The following NDST4 variants were observed in gnomAD, a reference collection of about 807,000 sequenced individuals.
The protein encoded by NDST4 is N-deacetylase and N-sulfotransferase 4, also known as N-heparan sulfate sulfotransferase 4.
NDST4 carries 63 observed loss-of-function variants against 100.8 expected under a neutral mutation model. That is an observed-to-expected ratio of 0.62 (90% confidence interval 0.51 to 0.77). The LOEUF is 0.77. NDST4 is among the 30% of genes least tolerant of loss of function. The pLI is 0.00. For missense variants in NDST4, 943 were observed against 1,018.4 expected (o/e 0.93, Z 1.01); for synonymous variants, 377 against 361.8 (o/e 1.04, Z -0.48).
intron 2 of NDST4, among the ~76,000 whole-genome samples, chr4:115,027,070 T>C (rs766919530): frequency 2.6e-5 from 4 of 152,144 alleles, no homozygotes; most frequent in Admixed American, 6.6e-5. Flanking sequence ...ACCTTATCTA[T>C]TGGAGTGTTC....
At chr4:114,845,387 A>G (rs780263701) in intron 10 of NDST4, among the ~76,000 whole-genome samples, 20 of 152,022 alleles carry the variant, frequency 1.3e-4, no homozygotes, top group Non-Finnish European at 2.8e-4. Flanking sequence ...TGTGTGTGCG[A>G]TTGTTTAGCT....
chr4:114,883,501 T>A lies in NDST4; in HGVS notation c.1537-12551A>T, dbSNP rs138688868. 8.0e-3 allele frequency among the ~76,000 whole-genome samples: 1,218 copies of A among 152,194 alleles called. 10 individuals carry two copies. Among genetic ancestry groups the A allele is most frequent in the South Asian group, 0.011 (51 of 4,832 alleles). ...AGAGATAAAATGGAATTCTATGCAA[T>A]GTTCAATTAAAACCTGAAATGTCAA... On this transcript the variant is annotated intron_variant, in intron 6 of 13. Transcript: ENST00000264363.
intron 2 of NDST4, among the ~76,000 whole-genome samples, chr4:115,037,004 T>G (rs1423912434): frequency 6.6e-6 from 1 of 151,870 alleles, no homozygotes. Context: ...GCTTGATAAA[T>G]TATGTGTTTT....
intron 1 of NDST4, among the ~76,000 whole-genome samples, chr4:115,110,196 C>T (rs1412317423): frequency 6.6e-6 from 1 of 151,930 alleles, no homozygotes; most frequent in Non-Finnish European, 1.5e-5. Context: ...TATGTGTACA[C>T]ATTCTGCATT....
intron 2 of NDST4, among the ~76,000 whole-genome samples, chr4:115,054,074 A>G (rs914899970): frequency 2.0e-5 from 3 of 152,100 alleles, no homozygotes; most frequent in Non-Finnish European, 4.4e-5. Flanking sequence ...GAAGGAAGAA[A>G]TAACGCAGAT....
At chr4:114,943,491 CTG>C (rs1364627932) in intron 4 of NDST4, among the ~76,000 whole-genome samples, 3 of 152,124 alleles carry the variant, frequency 2.0e-5, no homozygotes, top group Non-Finnish European at 4.4e-5. Flanking sequence ...CCACCCTAGA[CTG>C]AGATTGGTTA....
intron 2 of NDST4, among the ~76,000 whole-genome samples, chr4:115,018,344 G>A (rs1209923576): frequency 6.6e-6 from 1 of 151,824 alleles, no homozygotes; most frequent in Non-Finnish European, 1.5e-5. Context: ...GTACAAAATG[G>A]AAATATCTTA....
intron 3 of NDST4, among the ~76,000 whole-genome samples, chr4:114,974,211 G>T (rs1726580152): frequency 6.6e-6 from 1 of 151,666 alleles, no homozygotes; most frequent in African/African-American, 2.4e-5. Flanking sequence ...TCAGAATCTG[G>T]ATTTGAACAT....
chr4:115,045,287 T>C (rs778515477), intron 2 of NDST4, among the ~76,000 whole-genome samples: 2 of 152,156 alleles, frequency 1.3e-5, no homozygotes, highest in Non-Finnish European at 2.9e-5. Context: ...AATCTTTATA[T>C]AGGTTTTAAG....
chr4:114,982,820 G>A (rs1431645796), intron 2 of NDST4, among the ~76,000 whole-genome samples: 1 of 152,150 alleles, frequency 6.6e-6, no homozygotes, highest in Admixed American at 6.5e-5. Context: ...CCAGAGGCCT[G>A]AGAGAGAAAA....
At chr4:114,884,160 G>T (rs1186588499) in intron 6 of NDST4, among the ~76,000 whole-genome samples, 2 of 152,022 alleles carry the variant, frequency 1.3e-5, no homozygotes, top group Non-Finnish European at 2.9e-5. Context: ...CAGAGCTGAC[G>T]CTGGACTTTG....
chr4:115,054,915 C>T (rs1728660366), intron 2 of NDST4, among the ~76,000 whole-genome samples: 1 of 152,090 alleles, frequency 6.6e-6, no homozygotes, highest in African/African-American at 2.4e-5. Flanking sequence ...ACTCCTGGGC[C>T]ATGGACCAGT....
intron 1 of NDST4, among the ~76,000 whole-genome samples, chr4:115,110,345 C>CT (rs950660588): frequency 3.9e-5 from 6 of 151,964 alleles, no homozygotes; most frequent in Non-Finnish European, 7.4e-5. Context: ...ATCATGATGG[C>CT]TGAAGGCGGT....
At chr4:115,088,969 A>T (rs1415105826) in intron 1 of NDST4, among the ~76,000 whole-genome samples, 1 of 152,074 alleles carries the variant, frequency 6.6e-6, no homozygotes, top group Non-Finnish European at 1.5e-5. Flanking sequence ...ATGAGTAATT[A>T]TTCATGGATT....
chr4:114,897,025 T>C (rs1724730061), intron 6 of NDST4, among the ~76,000 whole-genome samples: 1 of 152,170 alleles, frequency 6.6e-6, no homozygotes, highest in Non-Finnish European at 1.5e-5. Flanking sequence ...CCATTATCAA[T>C]ATCCCCTATG....
intron 2 of NDST4, among the ~76,000 whole-genome samples, chr4:114,999,795 T>C (rs6830396): frequency 0.066 from 9,974 of 152,054 alleles, 1,089 homozygotes; most frequent in African/African-American, 0.22. Context: ...AAAGGAATTA[T>C]TGTCGTAAAG....
At chr4:115,066,982 T>C (rs2126285816) in intron 2 of NDST4, among the ~76,000 whole-genome samples, 1 of 152,344 alleles carries the variant, frequency 6.6e-6, no homozygotes, top group East Asian at 1.9e-4. Flanking sequence ...CTATGCCATT[T>C]TTCTCAAGAT....
intron 2 of NDST4, among the ~76,000 whole-genome samples, chr4:115,073,480 A>G (rs1158934474): frequency 6.6e-6 from 1 of 152,044 alleles, no homozygotes; most frequent in African/African-American, 2.4e-5. Flanking sequence ...AATATCATTC[A>G]GACATTACAA....
chr4:115,074,902 T>C (rs995425737), intron 2 of NDST4, among the ~76,000 whole-genome samples: 1 of 152,160 alleles, frequency 6.6e-6, no homozygotes, highest in African/African-American at 2.4e-5. Flanking sequence ...TTTGCTAAAA[T>C]TATTTGCACA....
Sources: allele counts gnomAD v4.1 joint callset (sites outside exome capture counted in the v4.1 genomes callset), GRCh38; gene constraint gnomAD v4.1.1; transcripts MANE v1.5; gene names NCBI Gene and HGNC (gene_info 2026-07-23, HGNC 2026-07-21).